Variants in USP3 observed in about 807,000 individuals in gnomAD.
The protein encoded by USP3 is ubiquitin carboxyl-terminal hydrolase 3.
In USP3, 20 loss-of-function variants were observed where a neutral mutation model predicts 72.3. The observed-to-expected ratio is 0.28, with a 90% CI of 0.19 to 0.40. USP3 has a LOEUF of 0.40. Among genes scored for constraint, USP3 ranks in the 10% least tolerant of loss-of-function variants. The pLI is 1.00. For missense variants in USP3, 479 were observed against 633.9 expected (o/e 0.76, Z 2.62); for synonymous variants, 222 against 225.3 (o/e 0.99, Z 0.13).
At position 63,528,669 on chromosome 15, in the gene USP3, A is replaced by G. The variant is rs1373540737; in HGVS notation, c.92-3978A>G. Among the ~76,000 whole-genome samples the G allele has an allele frequency of 2.0e-5, 3 of 152,168 alleles. No individual in the cohort carries two copies. The highest frequency in any genetic ancestry group is 1.3e-4 in the Admixed American group (2 of 15,278). ...CCTGGAAACCTTTAATACTGTTTCC[A>G]TGGGAAATGTGTTTATCCTGCAGGT... On this transcript the variant is annotated intron_variant, in intron 1 of 14. Transcript: ENST00000380324. This position sits in a 1 kb window ranked among gnomAD's most constrained non-coding sequence, Gnocchi z 4.3.
intron 3 of USP3, among the ~76,000 whole-genome samples, chr15:63,547,402 T>C (rs2066345572): frequency 6.6e-6 from 1 of 152,068 alleles, no homozygotes; most frequent in African/African-American, 2.4e-5. Flanking sequence ...AAAAAAAATT[T>C]TTAAACCAGT....
At chr15:63,572,112 T>C (rs1485585873) in intron 9 of USP3, among the ~76,000 whole-genome samples, 3 of 152,180 alleles carry the variant, frequency 2.0e-5, no homozygotes, top group Non-Finnish European at 4.4e-5. Flanking sequence ...CCAATAAGTA[T>C]TCAATATTTA....
intron 3 of USP3, chr15:63,542,239 A>T: frequency 2.1e-6 from 2 of 970,954 alleles, no homozygotes; most frequent in Non-Finnish European, 2.4e-6. Context: ...GTTATTCAGT[A>T]TGGTAGCAAT....
At position 63,584,092 on chromosome 15, in the gene USP3, G is replaced by GTTTTTTT. The variant is rs61574200; in HGVS notation, c.1097-4196_1097-4190dup. Among the ~76,000 whole-genome samples the GTTTTTTT allele has an allele frequency of 5.8e-4, 50 of 85,570 alleles. 1 individual carries two copies. The highest frequency in any genetic ancestry group is 8.6e-4 in the South Asian group (2 of 2,328). The allele number at this position is 85,570 out of a possible 152,430, so 56.1% of individuals were successfully genotyped here. A position where few individuals can be genotyped will look rare whatever the true frequency, so the allele number is the denominator to read the frequency against. On this transcript the variant is annotated intron_variant, in intron 11 of 14. Coordinates refer to ENST00000380324, the MANE Select transcript of USP3 (RefSeq NM_006537.4). ...CCCACCAGCAAGGTACAACGGTTTT[G>GTTTTTTT]TTTTTTTTTTTTTTTTTTTTTTTGA...
chr15:63,544,511 G>T lies in USP3; in HGVS notation c.284+7355G>T. The T allele has an allele frequency of 3.5e-6, 2 of 567,364 alleles. No homozygotes were observed. The highest frequency in any genetic ancestry group is 6.2e-6 in the Non-Finnish European group (2 of 322,404). 35.1% of individuals were successfully genotyped at this position (567,364 alleles called of 1,614,324 possible). ...TTTAGAATTAGAGGGGGCAAGTAGT[G>T]CAGGGCAAAAACAGGAAGGAAACGA... On this transcript the variant is annotated intron_variant, in intron 3 of 14. Transcript: ENST00000380324. This position sits in a 1 kb window ranked among gnomAD's most constrained non-coding sequence, Gnocchi z 4.2.
chr15:63,530,510 A>G (rs141265605), intron 1 of USP3: 5,845 of 353,208 alleles, frequency 0.017, 82 homozygotes, highest in Non-Finnish European at 0.024. Flanking sequence ...ATGGAGTTTC[A>G]CCATTTTACC....
intron 1 of USP3, among the ~76,000 whole-genome samples, chr15:63,519,057 G>C (rs557054328): frequency 1.3e-5 from 2 of 152,160 alleles, no homozygotes; most frequent in Non-Finnish European, 2.9e-5. Context: ...GAGCCACCGC[G>C]CCTGGCCGGG....
At chr15:63,568,409 T>C in intron 8 of USP3, among the ~76,000 whole-genome samples, 1 of 152,030 alleles carries the variant, frequency 6.6e-6, no homozygotes, top group Admixed American at 6.6e-5. Context: ...TCTTTTCTCC[T>C]GTACTTCCGG....
intron 3 of USP3, among the ~76,000 whole-genome samples, chr15:63,539,507 A>C (rs1481706288): frequency 6.6e-6 from 1 of 152,200 alleles, no homozygotes; most frequent in African/African-American, 2.4e-5. Flanking sequence ...AATGTAGATT[A>C]TATATTTTAA....
intron 8 of USP3, among the ~76,000 whole-genome samples, chr15:63,569,431 C>T (rs1388002887): frequency 6.6e-5 from 10 of 151,930 alleles, no homozygotes; most frequent in Non-Finnish European, 1.5e-4. Context: ...TTATAATTTC[C>T]AGGAAAAGGG....
At chr15:63,571,760 AG>A (rs1398055538) in intron 9 of USP3, among the ~76,000 whole-genome samples, 1 of 152,146 alleles carries the variant, frequency 6.6e-6, no homozygotes, top group Non-Finnish European at 1.5e-5. Context: ...GTGCCTCATG[AG>A]TTTTCAGGAT....
chr15:63,530,118 CAG>C (rs1173205694), intron 1 of USP3, among the ~76,000 whole-genome samples: 1 of 152,182 alleles, frequency 6.6e-6, no homozygotes, highest in East Asian at 1.9e-4. Context: ...GCCTGGGCGA[CAG>C]AGTGAGACCC....
rs2066470423 is a variant in USP3 at position 63,553,920 on chromosome 15, T to A, written c.368+122T>A. The A allele has an allele frequency of 1.4e-6, 1 of 719,274 alleles. No homozygotes were observed. Among genetic ancestry groups the A allele is most frequent in the African/African-American group, 1.8e-5 (1 of 54,060 alleles). 44.6% of individuals were successfully genotyped at this position (719,274 alleles called of 1,614,324 possible). A position where few individuals can be genotyped will look rare whatever the true frequency, so the allele number is the denominator to read the frequency against. ...CTTCATGTTTATAATATGATTGAAA[T>A]GTTAATAAAATAAACCTTGGCTTTG... On this transcript the variant is annotated intron_variant, in intron 4 of 14. Transcript: ENST00000380324. The surrounding 1 kb of genome is among the most constrained non-coding windows in gnomAD (Gnocchi z 4.2).
intron 1 of USP3, chr15:63,530,465 A>T (rs946650262): frequency 3.1e-6 from 1 of 323,074 alleles, no homozygotes; most frequent in Admixed American, 4.5e-5. Flanking sequence ...GGCACGTGCC[A>T]CCACACCCGG....
chr15:63,538,512 GGAAGAAGAAAGGGTCAGTGGTT>G (rs1304706879), intron 3 of USP3, among the ~76,000 whole-genome samples: 1 of 151,830 alleles, frequency 6.6e-6, no homozygotes, highest in African/African-American at 2.4e-5. Flanking sequence ...CCCATCAAAA[GGAAGAAGAAAGGGTCAGTGGTT>G]TGCCAGGTCT....
intron 4 of USP3, among the ~76,000 whole-genome samples, chr15:63,555,733 T>C (rs1332510419): frequency 6.6e-6 from 1 of 152,208 alleles, no homozygotes; most frequent in Non-Finnish European, 1.5e-5. Context: ...GAGTATGGAA[T>C]TGGTCTCTTC....
At chr15:63,538,039 T>C (rs995251098) in intron 3 of USP3, among the ~76,000 whole-genome samples, 1 of 152,106 alleles carries the variant, frequency 6.6e-6, no homozygotes, top group Non-Finnish European at 1.5e-5. Flanking sequence ...CAGGTTCTGT[T>C]CCCTCTTTGT....
At chr15:63,589,482 A>G (rs1271336818) in intron 14 of USP3, among the ~76,000 whole-genome samples, 6 of 152,160 alleles carry the variant, frequency 3.9e-5, no homozygotes. Flanking sequence ...TAAGACTACT[A>G]TATGTGGGCA....
chr15:63,565,052 G>T (rs1053854354), intron 8 of USP3, among the ~76,000 whole-genome samples: 8 of 151,704 alleles, frequency 5.3e-5, no homozygotes, highest in African/African-American at 2.0e-4. Flanking sequence ...TAATCCCAAA[G>T]AAATTTTTTT....
Sources: gnomAD v4.1 joint callset for allele counts (sites outside exome capture counted in the v4.1 genomes callset) on GRCh38, gnomAD v4.1.1 for gene constraint, Gnocchi (gnomAD v3.1) non-coding constraint, MANE v1.5 for transcripts, NCBI Gene and HGNC (gene_info 2026-07-23, HGNC 2026-07-21) for gene names.